The following SCD5 variants were observed in gnomAD, a reference collection of about 807,000 sequenced individuals.
SCD5 encodes stearoyl-CoA desaturase 5.
A neutral mutation model predicts 30.4 loss-of-function variants in SCD5; 20 were observed. That is an observed-to-expected ratio of 0.66 (90% CI 0.46 to 0.96). The LOEUF is 0.96. Ranked by LOEUF, SCD5 falls within the 40% of genes least tolerant of loss-of-function variation. The probability of loss-of-function intolerance (pLI) is 0.00; values close to 1 mark genes in which losing one functional copy is unlikely to be tolerated. For missense variants in SCD5, 381 were observed against 443.3 expected (o/e 0.86, Z 1.26); for synonymous variants, 173 against 176.4 (o/e 0.98, Z 0.16).
intron 1 of SCD5, among the ~76,000 whole-genome samples, chr4:82,727,444 T>A (rs568694144): frequency 6.6e-6 from 1 of 152,338 alleles, no homozygotes; most frequent in East Asian, 1.9e-4. Context: ...TGGAGTTGTA[T>A]CACCAAATCA....
At chr4:82,759,390 C>T (rs1351211515) in intron 1 of SCD5, among the ~76,000 whole-genome samples, 2 of 152,186 alleles carry the variant, frequency 1.3e-5, no homozygotes, top group Admixed American at 6.5e-5. Context: ...GCTTCACAAG[C>T]GGCCCTCCGT....
chr4:82,683,529 C>CA (rs1728625662), intron 2 of SCD5, among the ~76,000 whole-genome samples: 1 of 152,158 alleles, frequency 6.6e-6, no homozygotes, highest in South Asian at 2.1e-4. Flanking sequence ...TTTCCATCAA[C>CA]AAAATATTTC....
At chr4:82,779,995 C>A (rs1432653274) in intron 1 of SCD5, among the ~76,000 whole-genome samples, 1 of 152,152 alleles carries the variant, frequency 6.6e-6, no homozygotes, top group East Asian at 1.9e-4. Flanking sequence ...GTTGCTGTTC[C>A]TAACTACAGC....
intron 1 of SCD5, among the ~76,000 whole-genome samples, chr4:82,797,036 G>A (rs1329625507): frequency 6.6e-6 from 1 of 152,132 alleles, no homozygotes; most frequent in Non-Finnish European, 1.5e-5. Flanking sequence ...TGCCCTCCCT[G>A]AGCCACACCC....
At chr4:82,795,807 C>CAT (rs1317470025) in intron 1 of SCD5, among the ~76,000 whole-genome samples, 11 of 16,898 alleles carry the variant, frequency 6.5e-4, no homozygotes, top group African/African-American at 2.0e-3. Context: ...GACCCTGTCT[C>CAT]ACAAAAAAAA....
chr4:82,705,991 A>C (rs13101395), intron 1 of SCD5, among the ~76,000 whole-genome samples: 51,938 of 152,166 alleles, frequency 0.34, 10,294 homozygotes, highest in Admixed American at 0.45. Context: ...CCCTGAATAC[A>C]TGTGGTTTTC....
intron 3 of SCD5, among the ~76,000 whole-genome samples, chr4:82,678,324 T>G (rs1728478831): frequency 6.6e-6 from 1 of 152,158 alleles, no homozygotes; most frequent in South Asian, 2.1e-4. Flanking sequence ...AGAAATAGTC[T>G]TTAGACATAC....
intron 1 of SCD5, among the ~76,000 whole-genome samples, chr4:82,778,495 G>T (rs778312045): frequency 6.6e-5 from 10 of 152,230 alleles, no homozygotes; most frequent in Non-Finnish European, 1.0e-4. Context: ...TCCTTTGGAA[G>T]GTCCCTACAA....
chr4:82,719,543 G>A (rs145240640), intron 1 of SCD5, among the ~76,000 whole-genome samples: 6,638 of 142,764 alleles, frequency 0.046, 230 homozygotes, highest in Middle Eastern at 0.067. Flanking sequence ...TCGCTCTGTC[G>A]CCCAGGCCGG....
At chr4:82,791,752 A>G (rs1253447512) in intron 1 of SCD5, among the ~76,000 whole-genome samples, 2 of 151,518 alleles carry the variant, frequency 1.3e-5, no homozygotes, top group South Asian at 4.2e-4. Flanking sequence ...AGAATTTCAA[A>G]ATAAATGTTC....
intron 4 of SCD5, 120 bp downstream of exon 4, chr4:82,636,471 C>T: frequency 2.8e-6 from 2 of 703,160 alleles, no homozygotes; most frequent in Middle Eastern, 4.1e-4. Flanking sequence ...AAAAAAAGCT[C>T]AAGTTCACTG....
At chr4:82,679,279 AGAAGGAAG>A (rs1560531748) in intron 3 of SCD5, among the ~76,000 whole-genome samples, 1,675 of 126,358 alleles carry the variant, frequency 0.013, 106 homozygotes, top group South Asian at 0.043. Context: ...AAAGAAAGAA[AGAAGGAAG>A]GAAAGAAAGA....
intron 1 of SCD5, among the ~76,000 whole-genome samples, chr4:82,745,727 G>A (rs545969868): frequency 6.6e-6 from 1 of 152,250 alleles, no homozygotes; most frequent in East Asian, 1.9e-4. Context: ...ATCATTTCAT[G>A]AATCACACCC....
chr4:82,690,396 T>C (rs1255240111), intron 2 of SCD5, among the ~76,000 whole-genome samples: 2 of 152,196 alleles, frequency 1.3e-5, no homozygotes, highest in Admixed American at 6.5e-5. Context: ...AGTTTCAAAA[T>C]AAAAGATCTG....
chr4:82,664,446 G>A (rs1021834182), intron 3 of SCD5, among the ~76,000 whole-genome samples: 2 of 152,114 alleles, frequency 1.3e-5, no homozygotes, highest in Non-Finnish European at 2.9e-5. Flanking sequence ...AGTGCAAGGG[G>A]GGGGGAACAA....
At chr4:82,777,916 C>A (rs1721788175) in intron 1 of SCD5, among the ~76,000 whole-genome samples, 1 of 142,092 alleles carries the variant, frequency 7.0e-6, no homozygotes, top group Non-Finnish European at 1.5e-5. Context: ...ACATTTCCCC[C>A]CTCAAAACCC....
intron 2 of SCD5, 37 bp from the exon 3 acceptor site, chr4:82,680,949 C>T (rs1328233003): frequency 6.3e-7 from 1 of 1,580,976 alleles, no homozygotes; most frequent in South Asian, 1.1e-5. Flanking sequence ...AAGAGAGGAA[C>T]CGCACCGCCG....
chr4:82,686,297 C>T (rs1416082880), intron 2 of SCD5, among the ~76,000 whole-genome samples: 1 of 152,208 alleles, frequency 6.6e-6, no homozygotes, highest in Non-Finnish European at 1.5e-5. Context: ...TGAGCCACTG[C>T]ACCCAGCCAC....
intron 1 of SCD5, among the ~76,000 whole-genome samples, chr4:82,789,746 G>A (rs1054642961): frequency 1.3e-5 from 2 of 152,170 alleles, no homozygotes; most frequent in Admixed American, 1.3e-4. Context: ...ATATGAAGGA[G>A]GGCAGATCCA....
Sources: allele counts gnomAD v4.1 joint callset (sites outside exome capture counted in the v4.1 genomes callset), GRCh38; gene constraint gnomAD v4.1.1; transcripts MANE v1.5; gene names NCBI Gene and HGNC (gene_info 2026-07-23, HGNC 2026-07-21).